Variants in SLC9C2 observed in about 807,000 individuals in gnomAD.
The protein encoded by SLC9C2 is solute carrier family 9 member C2 (putative).
Under a neutral mutation model 140.2 loss-of-function variants are expected in SLC9C2, and 75 were observed. That is an observed-to-expected ratio of 0.53 (90% CI 0.44 to 0.65). The LOEUF is 0.65. Ranked by LOEUF, SLC9C2 falls within the 30% of genes least tolerant of loss-of-function variation. SLC9C2 has a pLI of 0.00. For missense variants in SLC9C2, 1,074 were observed against 1,331.8 expected, an observed-to-expected ratio of 0.81 and a Z score of 3.01; for synonymous variants, 375 against 420.9, an observed-to-expected ratio of 0.89 and a Z score of 1.34.
At chr1:173,507,962 T>A (rs1235922310) in intron 24 of SLC9C2, among the ~76,000 whole-genome samples, 1 of 152,108 alleles carries the variant, frequency 6.6e-6, no homozygotes, top group Non-Finnish European at 1.5e-5. Flanking sequence ...ACAGTAGGCA[T>A]CTCCTGCACA....
intron 3 of SLC9C2, among the ~76,000 whole-genome samples, chr1:173,598,585 C>A (rs966904296): frequency 6.6e-6 from 1 of 152,138 alleles, no homozygotes; most frequent in African/African-American, 2.4e-5. Context: ...GATTGAAGTG[C>A]TATAAATATT....
At chr1:173,544,865 G>A (rs1326648833) in intron 13 of SLC9C2, among the ~76,000 whole-genome samples, 1 of 152,192 alleles carries the variant, frequency 6.6e-6, no homozygotes, top group Non-Finnish European at 1.5e-5. Context: ...CATGGGGTAG[G>A]GCGATGGGGG....
intron 13 of SLC9C2, among the ~76,000 whole-genome samples, chr1:173,539,272 A>T (rs1157211008): frequency 6.6e-6 from 1 of 152,336 alleles, no homozygotes; most frequent in East Asian, 1.9e-4. Context: ...AAGTCACTAT[A>T]ATTTGAGAAT....
chr1:173,509,491 A>G, intron 24 of SLC9C2, 77 bp downstream of exon 24: 1 of 1,338,484 alleles, frequency 7.5e-7, no homozygotes, highest in Non-Finnish European at 9.9e-7. Flanking sequence ...TTTTTGTCTC[A>G]AAAATATGAA....
intron 23 of SLC9C2, among the ~76,000 whole-genome samples, chr1:173,511,368 G>T (rs10912630): frequency 0.12 from 18,363 of 151,916 alleles, 3,711 homozygotes; most frequent in African/African-American, 0.42. Flanking sequence ...TCTGACTGGT[G>T]TGAGATGGTA....
At chr1:173,560,588 C>T (rs1664038529) in intron 9 of SLC9C2, among the ~76,000 whole-genome samples, 2 of 152,166 alleles carry the variant, frequency 1.3e-5, no homozygotes, top group Non-Finnish European at 1.5e-5. Flanking sequence ...TGTCCCCTTG[C>T]CCAACTCTGC....
intron 17 of SLC9C2, among the ~76,000 whole-genome samples, chr1:173,532,059 G>A (rs938348474): frequency 5.3e-5 from 8 of 152,106 alleles, no homozygotes; most frequent in Non-Finnish European, 1.0e-4. Context: ...AACTCTGAAC[G>A]GTAATTCTTA....
chr1:173,522,350 A>G (rs769046060), intron 21 of SLC9C2, among the ~76,000 whole-genome samples: 6 of 152,218 alleles, frequency 3.9e-5, no homozygotes, highest in Admixed American at 2.0e-4. Context: ...ACATGAGTTG[A>G]AGACCTCCAG....
At chr1:173,592,681 C>T (rs1666231143) in intron 4 of SLC9C2, among the ~76,000 whole-genome samples, 2 of 152,148 alleles carry the variant, frequency 1.3e-5, no homozygotes, top group Admixed American at 6.5e-5. Context: ...TATTGCAATG[C>T]TAATGATTTC....
At chr1:173,591,339 A>C (rs1433540928) in intron 4 of SLC9C2, among the ~76,000 whole-genome samples, 1 of 152,010 alleles carries the variant, frequency 6.6e-6, no homozygotes, top group African/African-American at 2.4e-5. Flanking sequence ...ATGAATATTC[A>C]TGTGCATGTA....
chr1:173,524,952 G>A, intron 19 of SLC9C2, 25 bp from the exon 20 acceptor site: 1 of 1,611,062 alleles, frequency 6.2e-7, no homozygotes, highest in South Asian at 1.1e-5. Flanking sequence ...ATAAAATTCA[G>A]TAAGTGGCCT....
rs532640882 is a variant in SLC9C2 at position 173,545,974 on chromosome 1, G to T, written c.1557+1715C>A. On this transcript the variant is annotated intron_variant, in intron 13 of 27. Coordinates refer to ENST00000367714, the MANE Select transcript of SLC9C2 (RefSeq NM_178527.4). ...AGGGTGGCATTCGGAGTGGGAAAAAGGTAGAAGCTACAAATCTTCTCAATG... is the reference window on the plus strand; with the variant it reads ...AGGGTGGCATTCGGAGTGGGAAAAATGTAGAAGCTACAAATCTTCTCAATG... 2.0e-5 allele frequency among the ~76,000 whole-genome samples: 3 copies of T among 152,206 alleles called. No homozygotes were observed. In the South Asian group the frequency reaches 6.2e-4, roughly 32 times the overall value.
chr1:173,545,016 A>C (rs1277225898), intron 13 of SLC9C2, among the ~76,000 whole-genome samples: 1 of 152,226 alleles, frequency 6.6e-6, no homozygotes, highest in African/African-American at 2.4e-5. Context: ...TTTAAAAAAA[A>C]AGACCAAATC....
At chr1:173,601,598 A>ACAAAAGGTTCACAGGG in intron 2 of SLC9C2, 52 bp downstream of exon 2, 1 of 1,587,832 alleles carries the variant, frequency 6.3e-7, no homozygotes, top group Non-Finnish European at 8.6e-7. Flanking sequence ...TTCTGCATTG[A>ACAAAAGGTTCACAGGG]CAAAAGGTTC....
intron 1 of SLC9C2, among the ~76,000 whole-genome samples, chr1:173,602,442 G>T (rs1666843478): frequency 6.6e-6 from 1 of 152,150 alleles, no homozygotes; most frequent in Non-Finnish European, 1.5e-5. Context: ...GGATAAGGGT[G>T]AATAACCTGA....
At chr1:173,547,335 A>G (rs748792509) in intron 13 of SLC9C2, among the ~76,000 whole-genome samples, 1 of 151,548 alleles carries the variant, frequency 6.6e-6, no homozygotes, top group Non-Finnish European at 1.5e-5. Flanking sequence ...ACTTGAGAGA[A>G]TTTCGTATAA....
At chr1:173,592,856 C>G (rs558356689) in intron 4 of SLC9C2, among the ~76,000 whole-genome samples, 1 of 152,124 alleles carries the variant, frequency 6.6e-6, no homozygotes, top group African/African-American at 2.4e-5. Context: ...ACAAAGGAAA[C>G]GCCATCAGGC....
chr1:173,563,910 A>G (rs1664283386), intron 9 of SLC9C2, among the ~76,000 whole-genome samples: 1 of 152,040 alleles, frequency 6.6e-6, no homozygotes. Context: ...CATGAGTTCA[A>G]TTGTTTTAAT....
intron 22 of SLC9C2, among the ~76,000 whole-genome samples, chr1:173,518,239 G>A (rs1238500701): frequency 6.7e-6 from 1 of 150,206 alleles, no homozygotes; most frequent in African/African-American, 2.5e-5. Flanking sequence ...CTCCAGCTGG[G>A]CGACAAAGTG....
Sources: allele counts gnomAD v4.1 joint callset (sites outside exome capture counted in the v4.1 genomes callset), GRCh38; gene constraint gnomAD v4.1.1; transcripts MANE v1.5; gene names NCBI Gene and HGNC (gene_info 2026-07-23, HGNC 2026-07-21).